The following ABL1 variants were observed in gnomAD, a reference collection of about 807,000 sequenced individuals.
ABL1 encodes the protein tyrosine-protein kinase ABL1.
Under a neutral mutation model 94.7 loss-of-function variants are expected in ABL1, and 11 were observed. That is an observed-to-expected ratio of 0.12 (90% CI 0.07 to 0.19). ABL1 has a LOEUF of 0.19. Among genes scored for constraint, ABL1 ranks in the 10% least tolerant of loss-of-function variants. The pLI is 1.00. For missense variants in ABL1, 1,082 were observed against 1,489.4 expected, an observed-to-expected ratio of 0.73 and a Z score of 4.50; for synonymous variants, 656 against 622.4, an observed-to-expected ratio of 1.05 and a Z score of -0.80.
chr9:130,846,030 T>C (rs1376413552), intron 1 of ABL1, among the ~76,000 whole-genome samples: 3 of 152,038 alleles, frequency 2.0e-5, no homozygotes, highest in South Asian at 4.1e-4. Context: ...GCTGACACAG[T>C]GTTTTGGGAT....
chr9:130,751,762 C>G (rs1831970405), intron 1 of ABL1, among the ~76,000 whole-genome samples: 1 of 152,236 alleles, frequency 6.6e-6, no homozygotes, highest in Non-Finnish European at 1.5e-5. Flanking sequence ...CTCGTCCTGC[C>G]TCAGAAAACC....
chr9:130,716,648 C>T (rs1831444951), intron 1 of ABL1, among the ~76,000 whole-genome samples: 1 of 152,020 alleles, frequency 6.6e-6, no homozygotes, highest in South Asian at 2.1e-4. Context: ...GTTATTCAGA[C>T]TAAAAAGTGT....
At chr9:130,733,921 G>A (rs559701949) in intron 1 of ABL1, among the ~76,000 whole-genome samples, 1 of 152,102 alleles carries the variant, frequency 6.6e-6, no homozygotes, top group East Asian at 1.9e-4. Flanking sequence ...TTTTTGTGAG[G>A]TCTATGGTAT....
At chr9:130,719,532 A>C (rs933012872) in intron 1 of ABL1, among the ~76,000 whole-genome samples, 1 of 152,192 alleles carries the variant, frequency 6.6e-6, no homozygotes, top group African/African-American at 2.4e-5. Context: ...ACTCCATCTC[A>C]AAATAAATAA....
At chr9:130,825,893 G>A (rs926975923) in intron 1 of ABL1, among the ~76,000 whole-genome samples, 12 of 152,322 alleles carry the variant, frequency 7.9e-5, no homozygotes, top group Admixed American at 4.6e-4. Context: ...CGCCATCAGC[G>A]AAATTAAGAT....
intron 3 of ABL1, among the ~76,000 whole-genome samples, chr9:130,858,003 G>A (rs1210435596): frequency 2.0e-5 from 3 of 152,014 alleles, no homozygotes; most frequent in Admixed American, 6.5e-5. Context: ...GAACACCAGG[G>A]TGCACCGCCC....
At chr9:130,823,173 G>C (rs1273973095) in intron 1 of ABL1, among the ~76,000 whole-genome samples, 1 of 152,122 alleles carries the variant, frequency 6.6e-6, no homozygotes, top group Non-Finnish European at 1.5e-5. Flanking sequence ...TTATAGAAAG[G>C]AAAAGGGATA....
At chr9:130,858,049 C>T (rs1167149521) in intron 3 of ABL1, among the ~76,000 whole-genome samples, 1 of 152,002 alleles carries the variant, frequency 6.6e-6, no homozygotes, top group Admixed American at 6.6e-5. Context: ...CAGCTTGCTT[C>T]CCATGTGTGC....
chr9:130,876,775 C>T (rs147551824), intron 7 of ABL1, among the ~76,000 whole-genome samples: 2,275 of 118,056 alleles, frequency 0.019, 187 homozygotes, highest in African/African-American at 0.074. Flanking sequence ...CTCACTCTGT[C>T]GCCCAGGCTG....
At chr9:130,749,755 A>C (rs986398829) in intron 1 of ABL1, among the ~76,000 whole-genome samples, 3 of 152,196 alleles carry the variant, frequency 2.0e-5, no homozygotes, top group Non-Finnish European at 4.4e-5. Context: ...TTTGGATACT[A>C]TAAAGTGCTT....
intron 1 of ABL1, among the ~76,000 whole-genome samples, chr9:130,757,106 A>G (rs1250225176): frequency 6.6e-6 from 1 of 152,184 alleles, no homozygotes; most frequent in Admixed American, 6.5e-5. Flanking sequence ...ATAAGTGAAG[A>G]ACCTGAGGCC....
intron 3 of ABL1, among the ~76,000 whole-genome samples, chr9:130,859,344 G>T: frequency 6.6e-6 from 1 of 152,184 alleles, no homozygotes. Context: ...AGAGTTGCAG[G>T]AAGGGACCAT....
intron 1 of ABL1, among the ~76,000 whole-genome samples, chr9:130,781,474 T>C (rs1018591345): frequency 6.6e-6 from 1 of 152,202 alleles, no homozygotes; most frequent in African/African-American, 2.4e-5. Flanking sequence ...GACATGCGTT[T>C]GGATTTTCAG....
chr9:130,885,925 T>C lies in ABL1; in HGVS notation c.*242T>C. 1 of 541,664 alleles carries C rather than the reference T, an allele frequency of 1.8e-6. No homozygotes were observed. Among genetic ancestry groups the C allele is most frequent in the Non-Finnish European group, 3.2e-6 (1 of 313,238 alleles). 33.6% of individuals were successfully genotyped at this position (541,664 alleles called of 1,614,324 possible). The stretch of plus-strand genomic sequence containing the variant: ...CTGTCCTCGAATTTTATCTGTGGAG[T>C]TCCTGCTCCGTGGACTGCAGTCGGC... On this transcript the variant is annotated 3_prime_UTR_variant, in exon 11 of 11. Coordinates refer to ENST00000318560, the MANE Select transcript of ABL1 (RefSeq NM_005157.6).
chr9:130,769,769 A>G (rs965424372), intron 1 of ABL1, among the ~76,000 whole-genome samples: 2 of 152,070 alleles, frequency 1.3e-5, no homozygotes, highest in African/African-American at 4.8e-5. Context: ...CACTTGTGAA[A>G]TTGCCACCCC....
intron 1 of ABL1, among the ~76,000 whole-genome samples, chr9:130,776,585 A>G (rs971188481): frequency 6.6e-6 from 1 of 151,934 alleles, no homozygotes; most frequent in African/African-American, 2.4e-5. Context: ...TCAAAAAAAA[A>G]AAAAAGCAGC....
chr9:130,750,216 T>C lies in ABL1; in HGVS notation c.136+35761T>C, dbSNP rs868830011. ...ACATATATATATATATATATATATA[T>C]ATATATATATATATATATATCCAAG... On this transcript the variant is annotated intron_variant, in intron 1 of 10. Transcript: ENST00000372348. 6.8e-3 allele frequency among the ~76,000 whole-genome samples: 903 copies of C among 133,776 alleles called. 16 individuals are homozygous for C. The highest frequency in any genetic ancestry group is 0.024 in the African/African-American group (800 of 33,788). 87.8% of individuals were successfully genotyped at this position (133,776 alleles called of 152,430 possible).
rs72765059 is a variant in ABL1 at position 130,835,765 on chromosome 9, G to C, written c.79+240G>C. 2.8e-4 allele frequency among the ~76,000 whole-genome samples: 21 copies of C among 76,228 alleles called. No homozygotes were observed. The highest frequency in any genetic ancestry group is 9.5e-4 in the East Asian group (2 of 2,106). The allele number at this position is 76,228 out of a possible 152,430, so 50.0% of individuals were successfully genotyped here. A position where few individuals can be genotyped will look rare whatever the true frequency, so the allele number is the denominator to read the frequency against. On this transcript the variant is annotated intron_variant, in intron 1 of 10. Transcript: ENST00000318560. This position sits in a 1 kb window ranked among gnomAD's most constrained non-coding sequence, Gnocchi z 4.6. ...TGTCTCTCTCTTTTTCTCTCTCTCT[G>C]TCTCTTTCTCTTTCTCGCGATGGCC...
chr9:130,876,729 G>GTTTTTT (rs1169956131), intron 7 of ABL1, among the ~76,000 whole-genome samples: 2 of 115,352 alleles, frequency 1.7e-5, no homozygotes, highest in Non-Finnish European at 3.6e-5. Flanking sequence ...CCACAAGTTG[G>GTTTTTT]TTTCTTTTTT....
Sources: allele counts gnomAD v4.1 joint callset (sites outside exome capture counted in the v4.1 genomes callset), GRCh38; gene constraint gnomAD v4.1.1; non-coding constraint Gnocchi (gnomAD v3.1); transcripts MANE v1.5; gene names NCBI Gene and HGNC (gene_info 2026-07-23, HGNC 2026-07-21).